DLGAP1: variants seen among roughly 807,000 people sequenced by gnomAD.
DLGAP1 encodes disks large-associated protein 1.
In DLGAP1, 11 loss-of-function variants were observed where a neutral mutation model predicts 90.8. That is an observed-to-expected ratio of 0.12 (90% CI 0.08 to 0.20). The LOEUF (loss-of-function observed/expected upper bound fraction) is 0.20. Among genes scored for constraint, DLGAP1 ranks in the 10% least tolerant of loss-of-function variants. DLGAP1 has a pLI of 1.00. For missense variants in DLGAP1, 1,050 were observed against 1,333.8 expected (o/e 0.79, Z 3.31); for synonymous variants, 558 against 540.7 (o/e 1.03, Z -0.44).
At chr18:3,970,166 T>C (rs1232429994) in intron 3 of DLGAP1, among the ~76,000 whole-genome samples, 1 of 152,218 alleles carries the variant, frequency 6.6e-6, no homozygotes, top group Non-Finnish European at 1.5e-5. Flanking sequence ...ACTCCTGCAA[T>C]TTCCCTTGTC....
chr18:3,879,322 C>T lies in DLGAP1; in HGVS notation c.747G>A (p.Lys249=), dbSNP rs369816389. Residue 249 remains lysine, a synonymous_variant, in exon 4 of 13, where the codon AAG becomes AAA. Transcript: ENST00000315677. This position sits in a 1 kb window ranked among gnomAD's most constrained non-coding sequence, Gnocchi z 6.6. The part of the protein sequence containing the change: ...AYNTISEQAV[K]ASRSNNDVKC... ...TGACGTCGTTGTTGCTCCGGGAGGC[C>T]TTCACCGCCTGCTCGCTGATGGTGT... 4 of 1,603,792 alleles carry T rather than the reference C, an allele frequency of 2.5e-6. No homozygotes were observed. The highest frequency in any genetic ancestry group is 3.4e-6 in the Non-Finnish European group (4 of 1,174,558).
intron 2 of DLGAP1, among the ~76,000 whole-genome samples, chr18:4,051,171 C>T (rs2075128836): frequency 6.6e-6 from 1 of 152,144 alleles, no homozygotes; most frequent in African/African-American, 2.4e-5. Context: ...AGGCAAAATT[C>T]AAATGTGTAT....
At chr18:3,667,268 G>A (rs1242177939) in intron 7 of DLGAP1, among the ~76,000 whole-genome samples, 3 of 152,138 alleles carry the variant, frequency 2.0e-5, no homozygotes, top group African/African-American at 4.8e-5. Context: ...TAGTAGAGGC[G>A]GGGTTTTACC....
At chr18:4,379,753 T>G (rs2082080302) in intron 1 of DLGAP1, among the ~76,000 whole-genome samples, 1 of 152,178 alleles carries the variant, frequency 6.6e-6, no homozygotes, top group South Asian at 2.1e-4. Flanking sequence ...AATATGTTAA[T>G]TAAGTTGCTG....
At chr18:3,882,383 A>C (rs79661281) in intron 3 of DLGAP1, among the ~76,000 whole-genome samples, 2 of 151,554 alleles carry the variant, frequency 1.3e-5, no homozygotes, top group Non-Finnish European at 2.9e-5. Context: ...AAAAAAAAAA[A>C]TTAGCTGGGA....
chr18:3,803,464 G>A (rs955865564), intron 5 of DLGAP1, among the ~76,000 whole-genome samples: 1 of 152,208 alleles, frequency 6.6e-6, no homozygotes, highest in Admixed American at 6.5e-5. Context: ...ATCTGGCACA[G>A]GAATGATGCT....
intron 1 of DLGAP1, among the ~76,000 whole-genome samples, chr18:4,198,188 T>G (rs777351400): frequency 3.6e-4 from 55 of 152,048 alleles, no homozygotes; most frequent in Non-Finnish European, 5.9e-4. Context: ...GCCACTGCAC[T>G]CCAGCCTGGG....
chr18:4,239,631 G>C (rs781246348), intron 1 of DLGAP1, among the ~76,000 whole-genome samples: 30 of 152,144 alleles, frequency 2.0e-4, no homozygotes, highest in Non-Finnish European at 4.1e-4. Context: ...CAGGGTAAGT[G>C]GCTCTGGAGC....
At chr18:4,416,785 T>C (rs999613412) in intron 1 of DLGAP1, among the ~76,000 whole-genome samples, 3 of 152,186 alleles carry the variant, frequency 2.0e-5, no homozygotes, top group African/African-American at 4.8e-5. Flanking sequence ...ACAGACAGAA[T>C]GGCATGGGGG....
At chr18:4,072,423 T>TATCATCATCATCATCATGATCAAC (rs2075462358) in intron 2 of DLGAP1, among the ~76,000 whole-genome samples, 2 of 151,828 alleles carry the variant, frequency 1.3e-5, no homozygotes, top group Admixed American at 6.6e-5. Flanking sequence ...TCATTTTCAT[T>TATCATCATCATCATCATGATCAAC]ATCATCATCA....
intron 7 of DLGAP1, among the ~76,000 whole-genome samples, chr18:3,637,254 A>G (rs2058751437): frequency 2.0e-5 from 3 of 151,848 alleles, no homozygotes. Flanking sequence ...AAGGAATTTC[A>G]TTTCTTCCTA....
At chr18:3,932,164 C>T (rs1267559563) in intron 3 of DLGAP1, among the ~76,000 whole-genome samples, 3 of 152,148 alleles carry the variant, frequency 2.0e-5, no homozygotes, top group African/African-American at 7.2e-5. Flanking sequence ...AAATCCAAAG[C>T]ATGTCAATAT....
In DLGAP1 at chr18:3,992,355, T is replaced by A. The variant is rs140890238; in HGVS notation, c.-73+12761A>T. 3.4e-3 allele frequency among the ~76,000 whole-genome samples: 523 copies of A among 152,268 alleles called. 5 individuals are homozygous for A. Among genetic ancestry groups the A allele is most frequent in the African/African-American group, 0.012 (497 of 41,536 alleles). On this transcript the variant is annotated intron_variant, in intron 3 of 12. Coordinates refer to ENST00000315677, the MANE Select transcript of DLGAP1 (RefSeq NM_004746.4). ...AGCTTTTCTCTTCTCTTTATCAAAA[T>A]TAATAATTCACATAAAAGCCACCTA...
At chr18:4,132,038 G>A (rs1317298601) in intron 2 of DLGAP1, among the ~76,000 whole-genome samples, 1 of 151,320 alleles carries the variant, frequency 6.6e-6, no homozygotes, top group South Asian at 2.1e-4. Flanking sequence ...TTTTTTTCCT[G>A]GCTTAACATT....
intron 4 of DLGAP1, among the ~76,000 whole-genome samples, chr18:3,821,487 G>A (rs1325380893): frequency 5.3e-5 from 8 of 152,016 alleles, no homozygotes; most frequent in Non-Finnish European, 1.0e-4. Flanking sequence ...CTCAACAGTC[G>A]TGGTTTTTAA....
intron 3 of DLGAP1, among the ~76,000 whole-genome samples, chr18:3,912,186 C>T (rs1278159105): frequency 6.6e-6 from 1 of 152,118 alleles, no homozygotes; most frequent in African/African-American, 2.4e-5. Context: ...CTTTAATAAA[C>T]CAAAATAAGA....
chr18:3,674,107 G>A (rs533443541), intron 7 of DLGAP1, among the ~76,000 whole-genome samples: 34 of 152,026 alleles, frequency 2.2e-4, no homozygotes, highest in Admixed American at 1.2e-3. Flanking sequence ...CTCCCAAAGT[G>A]CTGGGAGGAC....
At chr18:4,020,399 T>C (rs985839579) in intron 2 of DLGAP1, among the ~76,000 whole-genome samples, 1 of 152,230 alleles carries the variant, frequency 6.6e-6, no homozygotes, top group Non-Finnish European at 1.5e-5. Flanking sequence ...AATTCATTCA[T>C]TCTACAGACT....
chr18:4,078,460 A>C (rs1336325601), intron 2 of DLGAP1, among the ~76,000 whole-genome samples: 1 of 152,218 alleles, frequency 6.6e-6, no homozygotes, highest in South Asian at 2.1e-4. Flanking sequence ...GGACGTTTTT[A>C]ATAGCTCTCC....
Sources: gnomAD v4.1 joint callset for allele counts (sites outside exome capture counted in the v4.1 genomes callset) on GRCh38, gnomAD v4.1.1 for gene constraint, Gnocchi (gnomAD v3.1) non-coding constraint, MANE v1.5 for transcripts, NCBI Gene and HGNC (gene_info 2026-07-23, HGNC 2026-07-21) for gene names.